Variants in MARCHF6 observed in about 807,000 individuals in gnomAD.
MARCHF6 encodes the protein membrane associated ring-CH-type finger 6.
Under a neutral mutation model 133.7 loss-of-function variants are expected in MARCHF6, and 31 were observed. The ratio of observed to expected loss-of-function variants is 0.23; its 90% confidence interval spans 0.17 to 0.31. The LOEUF is 0.31. MARCHF6 is among the 10% of genes least tolerant of loss of function. The pLI is 1.00. For synonymous variants in MARCHF6, 395 were observed against 402.5 expected, an observed-to-expected ratio of 0.98 and a Z score of 0.22; for missense variants, 723 against 1,121.6, an observed-to-expected ratio of 0.64 and a Z score of 5.08.
intron 9 of MARCHF6, among the ~76,000 whole-genome samples, chr5:10,397,019 G>A (rs1453543496): frequency 6.6e-6 from 1 of 152,166 alleles, no homozygotes; most frequent in Non-Finnish European, 1.5e-5. Flanking sequence ...TATGTAATTT[G>A]TCGTAGATTA....
At chr5:10,415,398 C>T in intron 20 of MARCHF6, 90 bp from the exon 21 acceptor site, 2 of 1,179,002 alleles carry the variant, frequency 1.7e-6, no homozygotes, top group Non-Finnish European at 2.4e-6. Flanking sequence ...ATATCTTTTT[C>T]CTAATGTGAA....
intron 5 of MARCHF6, 89 bp from the exon 6 acceptor site, chr5:10,390,243 G>C (rs199937503): frequency 8.4e-6 from 7 of 830,148 alleles, no homozygotes; most frequent in Non-Finnish European, 1.3e-5. Flanking sequence ...TTTTTTTTCT[G>C]AGACTTTAGT....
intron 3 of MARCHF6, among the ~76,000 whole-genome samples, chr5:10,380,154 G>GT (rs1400297300): frequency 8.1e-6 from 1 of 123,014 alleles, no homozygotes; most frequent in Non-Finnish European, 1.6e-5. Context: ...TTGTGTTTTA[G>GT]TTGTGTGTGT....
intron 22 of MARCHF6, 165 bp downstream of exon 22, chr5:10,417,569 G>A: frequency 1.3e-6 from 1 of 786,062 alleles, no homozygotes; most frequent in Admixed American, 2.8e-5. Flanking sequence ...AGCATGGCAA[G>A]ACCTAGTCTC....
chr5:10,417,925 A>G (rs1739610909), intron 22 of MARCHF6, among the ~76,000 whole-genome samples: 1 of 152,128 alleles, frequency 6.6e-6, no homozygotes. Flanking sequence ...AATGTTACTA[A>G]CCATTTAGTC....
chr5:10,408,658 C>T (rs537277846), intron 17 of MARCHF6, among the ~76,000 whole-genome samples: 5 of 152,198 alleles, frequency 3.3e-5, no homozygotes, highest in Non-Finnish European at 5.9e-5. Flanking sequence ...CCCACTTCAG[C>T]GTCCCGGGTA....
intron 5 of MARCHF6, among the ~76,000 whole-genome samples, chr5:10,387,345 C>CT (rs1230250926): frequency 6.6e-6 from 1 of 150,850 alleles, no homozygotes; most frequent in Admixed American, 6.6e-5. Context: ...TTCTGTTGTC[C>CT]AGGCTGGAGT....
chr5:10,354,306 T>A (rs1433637459), intron 1 of MARCHF6, among the ~76,000 whole-genome samples: 2 of 152,322 alleles, frequency 1.3e-5, no homozygotes, highest in South Asian at 2.1e-4. Context: ...CTTTACGTCC[T>A]TCTGCCTATT....
chr5:10,424,808 A>G (rs999024093), intron 23 of MARCHF6, among the ~76,000 whole-genome samples: 6 of 152,252 alleles, frequency 3.9e-5, no homozygotes, highest in Non-Finnish European at 4.4e-5. Context: ...ATCTAGCTAC[A>G]TAGTACCTAA....
At chr5:10,369,012 A>C (rs958064398) in intron 1 of MARCHF6, among the ~76,000 whole-genome samples, 2 of 151,950 alleles carry the variant, frequency 1.3e-5, no homozygotes, top group African/African-American at 4.8e-5. Context: ...GCTTTTGCTA[A>C]CTGTAGTCAC....
chr5:10,407,679 C>T (rs1258827994), intron 17 of MARCHF6, among the ~76,000 whole-genome samples: 4 of 152,178 alleles, frequency 2.6e-5, no homozygotes, highest in Admixed American at 2.0e-4. Context: ...TAAGGCCAGG[C>T]GTGGTGGCTC....
At position 10,410,241 on chromosome 5, in the gene MARCHF6, G is replaced by C. The variant is rs147688114; in HGVS notation, c.1656G>C (p.Leu552=). The C allele has an allele frequency of 1.4e-4, 219 of 1,613,350 alleles. No individual in the cohort carries two copies. The highest frequency in any genetic ancestry group is 1.8e-4 in the Non-Finnish European group (210 of 1,180,026). The change falls in exon 18 of 26, where the codon CTG becomes CTC. Residue 552 remains leucine, a synonymous_variant. Transcript: ENST00000274140. ...QGHTRQWLKG[L]VRAWTVTAGY... ...ACACGAGGCAGTGGCTGAAGGGGCT[G>C]GTGCGAGCGTGGACTGTGACCGCCG...
intron 5 of MARCHF6, among the ~76,000 whole-genome samples, chr5:10,388,435 T>C (rs1251913155): frequency 6.6e-6 from 1 of 152,182 alleles, no homozygotes; most frequent in African/African-American, 2.4e-5. Context: ...GTAATTGAGG[T>C]CATGTCTAGG....
intron 10 of MARCHF6, among the ~76,000 whole-genome samples, chr5:10,398,414 C>T (rs762728820): frequency 3.3e-5 from 5 of 152,134 alleles, no homozygotes; most frequent in African/African-American, 7.2e-5. Context: ...CAAAGTATTT[C>T]GGATACTTCC....
chr5:10,370,283 G>A (rs1736393055), intron 1 of MARCHF6, among the ~76,000 whole-genome samples: 1 of 151,318 alleles, frequency 6.6e-6, no homozygotes, highest in East Asian at 1.9e-4. Flanking sequence ...AAATTTTATT[G>A]TAGATATGGG....
intron 1 of MARCHF6, among the ~76,000 whole-genome samples, chr5:10,369,236 G>T (rs1054659771): frequency 2.0e-5 from 3 of 152,344 alleles, no homozygotes; most frequent in Non-Finnish European, 4.4e-5. Flanking sequence ...CAGTTTCAGT[G>T]TATGCCCAGA....
intron 9 of MARCHF6, among the ~76,000 whole-genome samples, chr5:10,396,310 T>C (rs1367025812): frequency 6.6e-6 from 1 of 151,776 alleles, no homozygotes; most frequent in East Asian, 1.9e-4. Flanking sequence ...CAAAAGAGGG[T>C]TTGATTAGGT....
intron 5 of MARCHF6, among the ~76,000 whole-genome samples, chr5:10,389,266 C>G (rs1417248531): frequency 6.6e-6 from 1 of 152,140 alleles, no homozygotes. Context: ...AAATGGTCTT[C>G]AGTATCATGA....
At chr5:10,366,403 T>TA (rs1736140184) in intron 1 of MARCHF6, among the ~76,000 whole-genome samples, 1 of 152,226 alleles carries the variant, frequency 6.6e-6, no homozygotes, top group East Asian at 1.9e-4. Context: ...ATTTTATTGA[T>TA]AATTACATAT....
Sources: gnomAD v4.1 joint callset for allele counts (sites outside exome capture counted in the v4.1 genomes callset) on GRCh38, gnomAD v4.1.1 for gene constraint, MANE v1.5 for transcripts, NCBI Gene and HGNC (gene_info 2026-07-23, HGNC 2026-07-21) for gene names.